ZNF827: variants seen among roughly 807,000 people sequenced by gnomAD.
ZNF827 encodes the protein zinc finger protein 827.
A neutral mutation model predicts 102.4 loss-of-function variants in ZNF827; 13 were observed. The ratio of observed to expected loss-of-function variants is 0.13; its 90% CI spans 0.08 to 0.20. ZNF827 has a LOEUF of 0.20. Among genes scored for constraint, ZNF827 ranks in the 10% least tolerant of loss-of-function variants. The probability of loss-of-function intolerance (pLI) is 1.00; values close to 1 mark genes in which losing one functional copy is unlikely to be tolerated. For synonymous variants in ZNF827, 523 were observed against 536.2 expected (o/e 0.98, Z 0.34); for missense variants, 1,103 against 1,344.4 (o/e 0.82, Z 2.81).
At chr4:145,862,026 C>T (rs542979975) in intron 5 of ZNF827, among the ~76,000 whole-genome samples, 2 of 152,290 alleles carry the variant, frequency 1.3e-5, no homozygotes, top group African/African-American at 4.8e-5. Flanking sequence ...GGTGCAGAGG[C>T]CCTGGCCTTG....
intron 11 of ZNF827, among the ~76,000 whole-genome samples, chr4:145,773,785 C>A (rs1254398639): frequency 6.6e-6 from 1 of 152,150 alleles, no homozygotes; most frequent in Non-Finnish European, 1.5e-5. Context: ...TTTCTTTGGC[C>A]GCGAACACAC....
At chr4:145,802,291 A>G (rs1740989299) in intron 8 of ZNF827, among the ~76,000 whole-genome samples, 1 of 152,034 alleles carries the variant, frequency 6.6e-6, no homozygotes, top group South Asian at 2.1e-4. Flanking sequence ...TTCTCTTTCC[A>G]CTCAGATACA....
At chr4:145,891,078 T>C (rs1470052488) in intron 3 of ZNF827, among the ~76,000 whole-genome samples, 1 of 152,190 alleles carries the variant, frequency 6.6e-6, no homozygotes, top group Non-Finnish European at 1.5e-5. Flanking sequence ...TTATACTTCT[T>C]ATGGTAGGAA....
intron 7 of ZNF827, among the ~76,000 whole-genome samples, chr4:145,828,075 G>A (rs17745315): frequency 0.25 from 37,379 of 152,012 alleles, 4,942 homozygotes; most frequent in Non-Finnish European, 0.29. Flanking sequence ...AGGAGGTACC[G>A]GACACAGGAT....
At chr4:145,776,893 C>T (rs959811309) in intron 9 of ZNF827, among the ~76,000 whole-genome samples, 2 of 152,140 alleles carry the variant, frequency 1.3e-5, no homozygotes, top group African/African-American at 4.8e-5. Flanking sequence ...GTTTCAGGAT[C>T]GTTTCCAGAG....
At chr4:145,870,189 A>C (rs1170323448) in intron 5 of ZNF827, 56 bp downstream of exon 5, 1 of 1,556,088 alleles carries the variant, frequency 6.4e-7, no homozygotes, top group African/African-American at 1.4e-5. Context: ...GAAGCAGTCC[A>C]GTTGGCCTGC....
chr4:145,833,514 C>T (rs562248211), intron 7 of ZNF827, among the ~76,000 whole-genome samples: 17 of 152,020 alleles, frequency 1.1e-4, no homozygotes, highest in African/African-American at 3.9e-4. Flanking sequence ...CCCTTCTCTC[C>T]GTGTCTCTAC....
chr4:145,774,472 A>G, intron 11 of ZNF827, 34 bp downstream of exon 11: 1 of 1,591,514 alleles, frequency 6.3e-7, no homozygotes, highest in Non-Finnish European at 8.6e-7. Context: ...GGGGATGGAG[A>G]AGGAGTGTGA....
rs1734547886 is a variant in ZNF827, at chr4:145,761,794, G to A, written c.*18-196C>T. On this transcript the variant is annotated intron_variant, in intron 14 of 14. Transcript: ENST00000508784. The surrounding 1 kb of genome is among the most constrained non-coding windows in gnomAD (Gnocchi z 6.8). ...TCTCCCTGCTGACAGAGCAGTCCCC[G>A]CTGACAAGCAGCTCTGGCAAGGTCC... 6.6e-6 allele frequency among the ~76,000 whole-genome samples: 1 copy of A among 152,200 alleles called. No individual in the cohort carries two copies. The highest frequency in any genetic ancestry group is 2.1e-4 in the South Asian group (1 of 4,814).
intron 5 of ZNF827, among the ~76,000 whole-genome samples, chr4:145,866,241 A>G (rs181473196): frequency 6.1e-4 from 93 of 152,344 alleles, no homozygotes; most frequent in South Asian, 4.1e-3. Flanking sequence ...TTTATAACCA[A>G]AGGGGCCCTA....
At chr4:145,791,612 T>G (rs973714284) in intron 8 of ZNF827, among the ~76,000 whole-genome samples, 1 of 152,226 alleles carries the variant, frequency 6.6e-6, no homozygotes, top group Admixed American at 6.5e-5. Flanking sequence ...TATTATATCA[T>G]TCTCAATAAT....
At chr4:145,887,948 G>A (rs1215497803) in intron 3 of ZNF827, among the ~76,000 whole-genome samples, 1 of 152,196 alleles carries the variant, frequency 6.6e-6, no homozygotes, top group Non-Finnish European at 1.5e-5. Context: ...ACCCAGGAGA[G>A]GAGGGGAGCT....
At chr4:145,877,742 C>T (rs1313886449) in intron 4 of ZNF827, among the ~76,000 whole-genome samples, 1 of 152,116 alleles carries the variant, frequency 6.6e-6, no homozygotes, top group Non-Finnish European at 1.5e-5. Flanking sequence ...ATAAAGTTTT[C>T]CTGCAAAAAC....
intron 1 of ZNF827, among the ~76,000 whole-genome samples, chr4:145,936,860 G>T (rs1754211272): frequency 6.6e-6 from 1 of 152,088 alleles, no homozygotes; most frequent in Non-Finnish European, 1.5e-5. Context: ...CCCAGCCCGG[G>T]TTTTGCAGGA....
chr4:145,867,888 G>A (rs755514863), intron 5 of ZNF827, among the ~76,000 whole-genome samples: 3 of 152,194 alleles, frequency 2.0e-5, no homozygotes, highest in Admixed American at 6.5e-5. Context: ...TGTCTATAGA[G>A]CAACAGAAGT....
intron 8 of ZNF827, among the ~76,000 whole-genome samples, chr4:145,795,772 T>C (rs1212477116): frequency 6.6e-6 from 1 of 152,218 alleles, no homozygotes; most frequent in Admixed American, 6.5e-5. Flanking sequence ...AAAAGGGAAG[T>C]GGAAGCAGTT....
intron 8 of ZNF827, among the ~76,000 whole-genome samples, chr4:145,814,769 CAAAAAAA>C (rs773438540): frequency 9.4e-4 from 70 of 74,350 alleles, no homozygotes; most frequent in African/African-American, 1.5e-3. Flanking sequence ...ACTAAAAATA[CAAAAAAA>C]AAAAAAAAAA....
At position 145,765,681 on chromosome 4, in the gene ZNF827, G is replaced by A; in HGVS notation, c.2918C>T (p.Ala973Val). 1 of 1,614,194 alleles carries A rather than the reference G, an allele frequency of 6.2e-7. No homozygotes were observed. Among genetic ancestry groups the A allele is most frequent in the South Asian group, 1.1e-5 (1 of 91,076 alleles). The change falls in exon 12 of 15, where the codon GCT becomes GTT. Residue 973 changes from alanine to valine, a missense_variant. By Grantham distance (64) the Ala-to-Val change is moderately conservative. Transcript: ENST00000508784. This position sits in a 1 kb window ranked among gnomAD's most constrained non-coding sequence, Gnocchi z 4.7. The stretch of plus-strand genomic sequence containing the variant: ...TTTGCTGTTGGCTGAATCACTCAGA[G>A]CTGAGAGGGAGGATGAAGAGGGGCT... ...SNSPSSSSLS[A>V]LSDSANSKDD...
intron 1 of ZNF827, among the ~76,000 whole-genome samples, chr4:145,933,788 A>AC (rs1211264076): frequency 2.1e-5 from 1 of 47,792 alleles, no homozygotes; most frequent in Non-Finnish European, 3.5e-5. Flanking sequence ...ACCAATGGTG[A>AC]AAAAAAAAAA....
Sources: gnomAD v4.1 joint callset for allele counts (sites outside exome capture counted in the v4.1 genomes callset) on GRCh38, gnomAD v4.1.1 for gene constraint, Gnocchi (gnomAD v3.1) non-coding constraint, MANE v1.5 for transcripts, NCBI Gene and HGNC (gene_info 2026-07-23, HGNC 2026-07-21) for gene names.